Variants in SHC4 observed in about 807,000 individuals in gnomAD.
SHC4 encodes the protein SHC adaptor protein 4, also known as SHC-transforming protein 4.
A neutral mutation model predicts 69.4 loss-of-function variants in SHC4; 41 were observed. The ratio of observed to expected loss-of-function variants is 0.59; its 90% CI spans 0.46 to 0.77. The LOEUF (loss-of-function observed/expected upper bound fraction) is 0.77. Ranked by LOEUF, SHC4 falls within the 30% of genes least tolerant of loss-of-function variation. The probability of loss-of-function intolerance (pLI) is 0.00; values close to 1 mark genes in which losing one functional copy is unlikely to be tolerated. For missense variants in SHC4, 777 were observed against 783.8 expected (o/e 0.99, Z 0.10); for synonymous variants, 318 against 299.3 (o/e 1.06, Z -0.64).
chr15:48,943,086 C>T (rs1901204308), intron 1 of SHC4, among the ~76,000 whole-genome samples: 1 of 152,208 alleles, frequency 6.6e-6, no homozygotes, highest in Admixed American at 6.5e-5. Context: ...ACATTCCTCT[C>T]AATAATCTTT....
chr15:48,915,837 T>C (rs560295149), intron 2 of SHC4, among the ~76,000 whole-genome samples: 2 of 152,310 alleles, frequency 1.3e-5, no homozygotes, highest in South Asian at 4.1e-4. Context: ...GATTTTTTTC[T>C]CCTTAGCACT....
chr15:48,836,914 T>C (rs1898909660), intron 10 of SHC4, among the ~76,000 whole-genome samples: 1 of 152,230 alleles, frequency 6.6e-6, no homozygotes, highest in African/African-American at 2.4e-5. Flanking sequence ...ATCTTTCTAT[T>C]GTTGCCAGAA....
At chr15:48,845,125 T>C (rs1899062146) in intron 9 of SHC4, among the ~76,000 whole-genome samples, 1 of 152,238 alleles carries the variant, frequency 6.6e-6, no homozygotes, top group Non-Finnish European at 1.5e-5. Flanking sequence ...GACAGTCCAA[T>C]GTAAGACAAC....
At chr15:48,935,632 T>C (rs1901055182) in intron 1 of SHC4, among the ~76,000 whole-genome samples, 2 of 152,170 alleles carry the variant, frequency 1.3e-5, no homozygotes, top group African/African-American at 2.4e-5. Context: ...AGCTGGAATG[T>C]GGGTCGTGTA....
chr15:48,936,831 C>T (rs759811267), intron 1 of SHC4, among the ~76,000 whole-genome samples: 2 of 152,202 alleles, frequency 1.3e-5, no homozygotes, highest in African/African-American at 2.4e-5. Flanking sequence ...ATCTGCATCC[C>T]GTGAGGCAGC....
At chr15:48,831,999 G>A (rs754382349) in intron 11 of SHC4, among the ~76,000 whole-genome samples, 9 of 152,312 alleles carry the variant, frequency 5.9e-5, no homozygotes, top group East Asian at 1.9e-4. Flanking sequence ...GGCCAGGAAC[G>A]GTGGCTCACG....
intron 1 of SHC4, among the ~76,000 whole-genome samples, chr15:48,955,907 T>C (rs184500793): frequency 2.6e-4 from 39 of 152,276 alleles, no homozygotes; most frequent in Admixed American, 3.3e-4. Flanking sequence ...TGGGGGCAAG[T>C]CACTTCACAT....
chr15:48,874,685 G>C (rs1002017527), intron 4 of SHC4, among the ~76,000 whole-genome samples: 8 of 152,174 alleles, frequency 5.3e-5, no homozygotes, highest in Admixed American at 2.0e-4. Flanking sequence ...CAATAGCAGA[G>C]AGGTTTGACT....
chr15:48,878,026 A>T, intron 4 of SHC4: 1 of 970,374 alleles, frequency 1.0e-6, no homozygotes, highest in Non-Finnish European at 1.5e-6. Flanking sequence ...CTCCAACCAC[A>T]GTGGCGCGCC....
intron 8 of SHC4, among the ~76,000 whole-genome samples, chr15:48,853,864 T>C (rs1436139030): frequency 6.6e-6 from 1 of 152,084 alleles, no homozygotes; most frequent in Non-Finnish European, 1.5e-5. Context: ...AGACCTCAAA[T>C]TGTAAGAATC....
chr15:48,918,938 G>C (rs780097479), intron 2 of SHC4, among the ~76,000 whole-genome samples: 1 of 151,920 alleles, frequency 6.6e-6, no homozygotes, highest in Non-Finnish European at 1.5e-5. Context: ...GGCTTCCCAG[G>C]TCTGCTGTCA....
rs1898660733 is a variant in SHC4, at chr15:48,825,097, TGAA to T, written c.*871_*873del. 2.0e-5 allele frequency: 3 copies of T among 152,624 alleles called. No homozygotes were observed. Among genetic ancestry groups the T allele is most frequent in the Non-Finnish European group, 2.9e-5 (2 of 68,030 alleles). 9.5% of individuals were successfully genotyped at this position (152,624 alleles called of 1,614,324 possible). A position where few individuals can be genotyped will look rare whatever the true frequency, so the allele number is the denominator to read the frequency against. ...ATGAAACCAATTTGAATAGTAAATATGAAGAATACTGGTTTTGTTTGCCCTCTT... is the reference window on the plus strand; with the variant it reads ...ATGAAACCAATTTGAATAGTAAATATGAATACTGGTTTTGTTTGCCCTCTT... On this transcript the variant is annotated 3_prime_UTR_variant, in exon 12 of 12. Transcript: ENST00000332408.
At chr15:48,894,521 T>C (rs922732211) in intron 2 of SHC4, among the ~76,000 whole-genome samples, 31 of 152,206 alleles carry the variant, frequency 2.0e-4, no homozygotes, top group Non-Finnish European at 1.2e-4. Context: ...ACAATGTTCC[T>C]GTTATGGATA....
intron 2 of SHC4, among the ~76,000 whole-genome samples, chr15:48,893,848 C>T (rs937181147): frequency 2.6e-5 from 4 of 152,188 alleles, no homozygotes; most frequent in Non-Finnish European, 4.4e-5. Flanking sequence ...CGTGGTGGCA[C>T]ATACTTGTAG....
intron 4 of SHC4, chr15:48,878,636 A>G (rs751934733): frequency 6.2e-7 from 1 of 1,613,788 alleles, no homozygotes; most frequent in African/African-American, 1.3e-5. Context: ...TTATGAGAAG[A>G]CCCCGTTTGA....
chr15:48,887,966 T>A (rs755532234), intron 3 of SHC4, among the ~76,000 whole-genome samples: 1 of 152,172 alleles, frequency 6.6e-6, no homozygotes, highest in Non-Finnish European at 1.5e-5. Context: ...AAAATGTGAA[T>A]AGGCTTGGTG....
intron 10 of SHC4, among the ~76,000 whole-genome samples, chr15:48,839,468 T>G (rs961858198): frequency 6.6e-6 from 1 of 150,410 alleles, no homozygotes; most frequent in Non-Finnish European, 1.5e-5. Context: ...TGGCATCATC[T>G]GGATCCACAG....
At chr15:48,901,787 G>T (rs1040115790) in intron 2 of SHC4, among the ~76,000 whole-genome samples, 1 of 152,146 alleles carries the variant, frequency 6.6e-6, no homozygotes, top group Non-Finnish European at 1.5e-5. Context: ...AGTTTTTAAA[G>T]CTCTCTATGT....
intron 2 of SHC4, among the ~76,000 whole-genome samples, chr15:48,912,754 T>C (rs1367126145): frequency 6.6e-6 from 1 of 152,332 alleles, no homozygotes; most frequent in Admixed American, 6.5e-5. Flanking sequence ...CGAAGGCTGT[T>C]GTTCAGATTC....
Sources: allele counts gnomAD v4.1 joint callset (sites outside exome capture counted in the v4.1 genomes callset), GRCh38; gene constraint gnomAD v4.1.1; transcripts MANE v1.5; gene names NCBI Gene and HGNC (gene_info 2026-07-23, HGNC 2026-07-21).